Variants in ZSWIM6 observed in about 807,000 individuals in gnomAD.
ZSWIM6 encodes zinc finger SWIM-type containing 6.
A neutral mutation model predicts 113.2 loss-of-function variants in ZSWIM6; 9 were observed. The ratio of observed to expected loss-of-function variants is 0.08; its 90% CI spans 0.05 to 0.14. The LOEUF (loss-of-function observed/expected upper bound fraction) is 0.14, where lower values mean the gene tolerates loss of function less well. Ranked by LOEUF, ZSWIM6 falls within the 10% of genes least tolerant of loss-of-function variation. The probability of loss-of-function intolerance (pLI) is 1.00; values close to 1 mark genes in which losing one functional copy is unlikely to be tolerated. For synonymous variants in ZSWIM6, 611 were observed against 606.5 expected, an observed-to-expected ratio of 1.01 and a Z score of -0.11; for missense variants, 1,162 against 1,552.2, an observed-to-expected ratio of 0.75 and a Z score of 4.22.
chr5:61,478,098 A>G (rs544365480), intron 2 of ZSWIM6, among the ~76,000 whole-genome samples: 56 of 152,254 alleles, frequency 3.7e-4, no homozygotes, highest in African/African-American at 1.3e-3. Flanking sequence ...GATTATTACT[A>G]TCATACCCTT....
At chr5:61,432,431 A>G (rs1262745805) in intron 1 of ZSWIM6, among the ~76,000 whole-genome samples, 2 of 152,238 alleles carry the variant, frequency 1.3e-5, no homozygotes, top group African/African-American at 2.4e-5. Flanking sequence ...TTATCCTTGC[A>G]TATTAATTGA....
intron 1 of ZSWIM6, among the ~76,000 whole-genome samples, chr5:61,442,184 G>A (rs892709309): frequency 3.3e-5 from 5 of 152,108 alleles, no homozygotes; most frequent in African/African-American, 1.2e-4. Flanking sequence ...GACTGTTTGG[G>A]AGGTCTGATG....
At chr5:61,353,814 G>A (rs1221556677) in intron 1 of ZSWIM6, among the ~76,000 whole-genome samples, 1 of 152,158 alleles carries the variant, frequency 6.6e-6, no homozygotes, top group Non-Finnish European at 1.5e-5. Flanking sequence ...TGGGAGACTG[G>A]GGCAATGTGT....
At chr5:61,373,944 G>A (rs2112071165) in intron 1 of ZSWIM6, among the ~76,000 whole-genome samples, 1 of 152,242 alleles carries the variant, frequency 6.6e-6, no homozygotes, top group South Asian at 2.1e-4. Flanking sequence ...ATGCATATGT[G>A]TCAAATGAGA....
chr5:61,369,525 C>A (rs956222222), intron 1 of ZSWIM6, among the ~76,000 whole-genome samples: 2 of 152,162 alleles, frequency 1.3e-5, no homozygotes, highest in African/African-American at 4.8e-5. Flanking sequence ...GACCTGGGGG[C>A]TTGCCTGGAC....
intron 1 of ZSWIM6, among the ~76,000 whole-genome samples, chr5:61,338,717 C>T (rs1413360138): frequency 6.6e-6 from 1 of 152,162 alleles, no homozygotes; most frequent in African/African-American, 2.4e-5. Flanking sequence ...GTTAAGCAAA[C>T]ATTTTCATTC....
chr5:61,361,642 A>G (rs890661546), intron 1 of ZSWIM6, among the ~76,000 whole-genome samples: 1 of 152,204 alleles, frequency 6.6e-6, no homozygotes, highest in Non-Finnish European at 1.5e-5. Flanking sequence ...GTTTGTTTCC[A>G]GGGAACCCCC....
At chr5:61,380,516 A>C (rs180985668) in intron 1 of ZSWIM6, among the ~76,000 whole-genome samples, 1 of 152,298 alleles carries the variant, frequency 6.6e-6, no homozygotes, top group Admixed American at 6.5e-5. Context: ...TAGGACTTCA[A>C]AATCTGAGTG....
At chr5:61,466,482 A>T (rs2112175418) in intron 1 of ZSWIM6, among the ~76,000 whole-genome samples, 1 of 152,268 alleles carries the variant, frequency 6.6e-6, no homozygotes, top group Non-Finnish European at 1.5e-5. Flanking sequence ...AGGGTGAAAG[A>T]TGTATTTGTG....
chr5:61,341,481 G>A (rs1744543415), intron 1 of ZSWIM6, among the ~76,000 whole-genome samples: 1 of 152,138 alleles, frequency 6.6e-6, no homozygotes, highest in Non-Finnish European at 1.5e-5. Flanking sequence ...GGAAATTACT[G>A]TTTATGTCAA....
chr5:61,419,360 A>G (rs1305034380), intron 1 of ZSWIM6, among the ~76,000 whole-genome samples: 1 of 152,222 alleles, frequency 6.6e-6, no homozygotes, highest in Non-Finnish European at 1.5e-5. Flanking sequence ...CATCCATTAC[A>G]GTTCTCATGA....
intron 1 of ZSWIM6, among the ~76,000 whole-genome samples, chr5:61,341,873 CTTT>C (rs35227918): frequency 9.5e-5 from 9 of 94,696 alleles, no homozygotes; most frequent in Admixed American, 6.5e-4. Flanking sequence ...TCTCTGTAAC[CTTT>C]TTTTTTTTTT....
chr5:61,517,765 TTTTAATTA>T (rs1411039898), intron 4 of ZSWIM6, among the ~76,000 whole-genome samples: 60 of 150,806 alleles, frequency 4.0e-4, no homozygotes, highest in South Asian at 8.3e-4. Flanking sequence ...GGAGATTTTT[TTTTAATTA>T]TTTAATTATT....
Position 61,333,075 on chromosome 5 carries a change from A to G in ZSWIM6, c.676+127A>G, listed in dbSNP as rs550951388. 3,770 of 970,402 alleles carry G rather than the reference A, an allele frequency of 3.9e-3. 20 individuals carry two copies. Among genetic ancestry groups the G allele is most frequent in the South Asian group, 0.019 (407 of 21,674 alleles). The allele number at this position is 970,402 out of a possible 1,614,324, so 60.1% of individuals were successfully genotyped here. On this transcript the variant is annotated intron_variant, in intron 1 of 13. Coordinates refer to ENST00000252744, the MANE Select transcript of ZSWIM6 (RefSeq NM_020928.2). ...CGCCCGCACCCCTGCGGGTGTCCTC[A>G]CTGGCCCGGACGGTCCTCCTGAGCG...
rs905205580 is a variant in ZSWIM6, at chr5:61,480,938, G to A, written c.1033+7901G>A. On this transcript the variant is annotated intron_variant, in intron 2 of 13. Coordinates refer to ENST00000252744, the MANE Select transcript of ZSWIM6 (RefSeq NM_020928.2). ...GATGGCCTTCTCTAGGTCCCCAAAA[G>A]TGGCTGAATTAATCACCTCTGCAGT... Among the ~76,000 whole-genome samples the A allele has an allele frequency of 2.0e-5, 3 of 152,182 alleles. No individual in the cohort carries two copies. The East Asian group carries it at 5.8e-4, about 29-fold the overall frequency.
chr5:61,496,435 A>G (rs1748316346), intron 4 of ZSWIM6, among the ~76,000 whole-genome samples: 2 of 152,186 alleles, frequency 1.3e-5, no homozygotes, highest in South Asian at 4.1e-4. Flanking sequence ...CTTCTGGACT[A>G]CAAAAGGAAA....
intron 1 of ZSWIM6, among the ~76,000 whole-genome samples, chr5:61,453,137 C>A (rs1315897067): frequency 6.6e-6 from 1 of 152,126 alleles, no homozygotes; most frequent in Non-Finnish European, 1.5e-5. Context: ...TGATATCTGC[C>A]AAGTTGCTTC....
intron 1 of ZSWIM6, among the ~76,000 whole-genome samples, chr5:61,389,185 A>G (rs1373682975): frequency 2.0e-5 from 3 of 152,088 alleles, no homozygotes; most frequent in Non-Finnish European, 4.4e-5. Context: ...GTGCTCTCTC[A>G]CCAGAGACTT....
In ZSWIM6 at chr5:61,472,633, A is replaced by G. The variant is rs189221220; in HGVS notation, c.677-48A>G. The G allele has an allele frequency of 5.3e-5, 71 of 1,350,668 alleles. No homozygotes were observed. Among genetic ancestry groups the G allele is most frequent in the Admixed American group, 4.8e-4 (17 of 35,724 alleles). The allele number at this position is 1,350,668 out of a possible 1,614,324, so 83.7% of individuals were successfully genotyped here. A position where few individuals can be genotyped will look rare whatever the true frequency, so the allele number is the denominator to read the frequency against. On this transcript the variant is annotated intron_variant, in intron 1 of 13. Coordinates refer to ENST00000252744, the MANE Select transcript of ZSWIM6 (RefSeq NM_020928.2). This position sits in a 1 kb window ranked among gnomAD's most constrained non-coding sequence, Gnocchi z 4.1. Reference sequence around the variant, plus strand: ...TCAAAGAATTAGAGCATTTCATAGCATCTGAATGCAGAAGCTAAACCCTCC... The same window carrying G: ...TCAAAGAATTAGAGCATTTCATAGCGTCTGAATGCAGAAGCTAAACCCTCC...
Sources: allele counts gnomAD v4.1 joint callset (sites outside exome capture counted in the v4.1 genomes callset), GRCh38; gene constraint gnomAD v4.1.1; non-coding constraint Gnocchi (gnomAD v3.1); transcripts MANE v1.5; gene names NCBI Gene and HGNC (gene_info 2026-07-23, HGNC 2026-07-21).